Variants in CERS5 observed in about 807,000 individuals in gnomAD.
CERS5 encodes the protein ceramide synthase 5.
In CERS5, 37 loss-of-function variants were observed where a neutral mutation model predicts 58.9. The ratio of observed to expected loss-of-function variants is 0.63; its 90% CI spans 0.48 to 0.83. The LOEUF (loss-of-function observed/expected upper bound fraction) is 0.83. Among genes scored for constraint, CERS5 ranks in the 40% least tolerant of loss-of-function variants. CERS5 has a pLI of 0.00. For missense variants in CERS5, 398 were observed against 489.3 expected (o/e 0.81, Z 1.76); for synonymous variants, 147 against 177.8 (o/e 0.83, Z 1.38).
chr12:50,144,253 C>T (rs1224114471), intron 1 of CERS5, 196 bp from the exon 2 acceptor site: 3 of 488,598 alleles, frequency 6.1e-6, no homozygotes, highest in African/African-American at 3.9e-5. Flanking sequence ...ACAATGTTCA[C>T]CAGCCTCAGT....
At position 50,148,942 on chromosome 12, in the gene CERS5, A is replaced by ATG. The variant is rs1278925291; in HGVS notation, c.198-4886_198-4885insCA. 4.0e-3 allele frequency among the ~76,000 whole-genome samples: 523 copies of ATG among 129,958 alleles called. 6 individuals are homozygous for ATG. The highest frequency in any genetic ancestry group is 0.016 in the African/African-American group (511 of 32,428). 85.3% of individuals were successfully genotyped at this position (129,958 alleles called of 152,430 possible). A position where few individuals can be genotyped will look rare whatever the true frequency, so the allele number is the denominator to read the frequency against. On this transcript the variant is annotated intron_variant, in intron 1 of 9. Transcript: ENST00000317551. ...AAAAAAAAAAAATATATATATATATATATATGTGTGTGTGTGTGTGTGTGT... is the reference window on the plus strand; with the variant it reads ...AAAAAAAAAAAATATATATATATATATGTATATGTGTGTGTGTGTGTGTGTGT...
chr12:50,163,906 G>A lies in CERS5; in HGVS notation c.197+3195C>T, dbSNP rs746751342. 4.6e-5 allele frequency among the ~76,000 whole-genome samples: 7 copies of A among 151,596 alleles called. No individual in the cohort carries two copies. The South Asian group carries it at 8.4e-4, about 18-fold the overall frequency. ...TAGGCTCAAGTGATCTGCCCTCCTC[G>A]GCCTCCCAAAGTGCTGGGATTACAG... On this transcript the variant is annotated intron_variant, in intron 1 of 9. Coordinates refer to ENST00000317551, the MANE Select transcript of CERS5 (RefSeq NM_147190.5).
rs1448041472 is a variant in CERS5 at position 50,130,675 on chromosome 12, C to G, written c.1049G>C (p.Ser350Thr). The G allele has an allele frequency of 6.3e-7, 1 of 1,597,462 alleles. No individual in the cohort carries two copies. Among genetic ancestry groups the G allele is most frequent in the Non-Finnish European group, 8.6e-7 (1 of 1,167,080 alleles). Reference protein sequence around the residue: ...IRGKVSKDDRSDVESSSEEED... With the variant: ...IRGKVSKDDRTDVESSSEEED... Reference sequence around the variant, plus strand: ...TTCCTCTGAGCTGCTCTCCACATCACTGCGATCATCCTTCGATACCTGGGT... The same window carrying G: ...TTCCTCTGAGCTGCTCTCCACATCAGTGCGATCATCCTTCGATACCTGGGT... The change falls in exon 10 of 10, where the codon AGT (serine) becomes ACT (threonine). Residue 350 changes from serine to threonine, a missense_variant. Physicochemically the swap from Ser to Thr is moderately conservative, Grantham distance 58 (BLOSUM62 1). Coordinates refer to ENST00000317551, the MANE Select transcript of CERS5 (RefSeq NM_147190.5).
chr12:50,157,669 A>G (rs1304768343), intron 1 of CERS5, among the ~76,000 whole-genome samples: 1 of 152,138 alleles, frequency 6.6e-6, no homozygotes, highest in Middle Eastern at 3.2e-3. Flanking sequence ...CCTTGACTTC[A>G]TTAAAGGCAT....
At chr12:50,140,849 T>G (rs1951934718) in intron 4 of CERS5, among the ~76,000 whole-genome samples, 1 of 151,890 alleles carries the variant, frequency 6.6e-6, no homozygotes, top group Non-Finnish European at 1.5e-5. Context: ...ATTTTTTTTT[T>G]TTTTTTGCCT....
chr12:50,145,958 T>G (rs1952246541), intron 1 of CERS5, among the ~76,000 whole-genome samples: 1 of 152,216 alleles, frequency 6.6e-6, no homozygotes, highest in Non-Finnish European at 1.5e-5. Context: ...CATTCTTTGT[T>G]GTTGAGTTGA....
intron 8 of CERS5, chr12:50,135,529 T>G: frequency 1.4e-6 from 1 of 701,902 alleles, no homozygotes; most frequent in Non-Finnish European, 2.6e-6. Flanking sequence ...TTGCTAGAAA[T>G]ACGGTCTGAG....
intron 1 of CERS5, among the ~76,000 whole-genome samples, chr12:50,158,317 T>G (rs1938886619): frequency 6.6e-6 from 1 of 152,200 alleles, no homozygotes; most frequent in Non-Finnish European, 1.5e-5. Context: ...ACATAAGGGA[T>G]AACCACTGAT....
In CERS5 at chr12:50,130,484, A is replaced by C; in HGVS notation, c.*61T>G. ...AAGAGTAGATATGGGAAGGGCCAAG[A>C]GGAGTATGTTGCCAGTGGCCCTACA... On this transcript the variant is annotated 3_prime_UTR_variant, in exon 10 of 10. Coordinates refer to ENST00000317551, the MANE Select transcript of CERS5 (RefSeq NM_147190.5). 1 of 1,434,360 alleles carries C rather than the reference A, an allele frequency of 7.0e-7. No individual in the cohort carries two copies. The highest frequency in any genetic ancestry group is 9.5e-7 in the Non-Finnish European group (1 of 1,058,190). 88.9% of individuals were successfully genotyped at this position (1,434,360 alleles called of 1,614,324 possible).
At chr12:50,149,826 G>A (rs1007328376) in intron 1 of CERS5, among the ~76,000 whole-genome samples, 6 of 152,038 alleles carry the variant, frequency 3.9e-5, no homozygotes, top group African/African-American at 9.7e-5. Flanking sequence ...TGCAACCTCC[G>A]CCTCCCAGGT....
chr12:50,157,398 A>G (rs954336339), intron 1 of CERS5, among the ~76,000 whole-genome samples: 1 of 151,750 alleles, frequency 6.6e-6, no homozygotes, highest in Non-Finnish European at 1.5e-5. Context: ...TAATTACTGT[A>G]CTAGAGTCGC....
chr12:50,138,828 A>G (rs1380556528), intron 4 of CERS5, among the ~76,000 whole-genome samples: 1 of 152,228 alleles, frequency 6.6e-6, no homozygotes, highest in Non-Finnish European at 1.5e-5. Context: ...TTTGAGGTAA[A>G]TAAGAACAGT....
intron 4 of CERS5, 98 bp downstream of exon 4, chr12:50,141,939 CAAAAAAAAAAAAAAAA>C (rs35739493): frequency 1.7e-5 from 7 of 409,132 alleles, no homozygotes; most frequent in Non-Finnish European, 2.9e-5. Flanking sequence ...GACTCCGTCT[CAAAAAAAAAAAAAAAA>C]AAAGAAAAGA....
chr12:50,158,353 T>C (rs1938893156), intron 1 of CERS5, among the ~76,000 whole-genome samples: 2 of 152,200 alleles, frequency 1.3e-5, no homozygotes, highest in Admixed American at 1.3e-4. Flanking sequence ...AGGGTAGAAA[T>C]CATGGTTTAT....
In CERS5 at chr12:50,134,663, G is replaced by A. The variant is rs752285189; in HGVS notation, c.912C>T (p.Ile304=). ...NTTLFESWEI[I]GPYASWWLLN... ...GGAGCCACCATGAAGCATAAGGCCCGATTATCTCCCAACTCTCAAAGAGGG... is the reference window on the plus strand; with the variant it reads ...GGAGCCACCATGAAGCATAAGGCCCAATTATCTCCCAACTCTCAAAGAGGG... Residue 304 remains isoleucine, a synonymous_variant, in exon 9 of 10, where the codon ATC becomes ATT. Coordinates refer to ENST00000317551, the MANE Select transcript of CERS5 (RefSeq NM_147190.5). 1.1e-5 allele frequency: 18 copies of A among 1,613,984 alleles called. No individual in the cohort carries two copies. Among genetic ancestry groups the A allele is most frequent in the African/African-American group, 8.0e-5 (6 of 74,902 alleles).
chr12:50,159,414 A>T (rs2138252329), intron 1 of CERS5, among the ~76,000 whole-genome samples: 1 of 152,308 alleles, frequency 6.6e-6, no homozygotes, highest in African/African-American at 2.4e-5. Context: ...TTTTTACTAA[A>T]ATGTCTTAGA....
At chr12:50,157,185 T>C (rs1038748640) in intron 1 of CERS5, among the ~76,000 whole-genome samples, 1 of 152,044 alleles carries the variant, frequency 6.6e-6, no homozygotes, top group African/African-American at 2.4e-5. Context: ...CTCTTCAGTT[T>C]TGGGACTTGG....
chr12:50,151,016 CCCT>C (rs1937899652), intron 1 of CERS5, among the ~76,000 whole-genome samples: 1 of 150,814 alleles, frequency 6.6e-6, no homozygotes, highest in South Asian at 2.1e-4. Flanking sequence ...TTCTACTTAT[CCCT>C]CCTTCCTTCT....
chr12:50,149,800 C>T lies in CERS5; in HGVS notation c.198-5743G>A, dbSNP rs190682853. 9.8e-4 allele frequency among the ~76,000 whole-genome samples: 149 copies of T among 152,218 alleles called. 1 individual carries two copies. Among genetic ancestry groups the T allele is most frequent in the African/African-American group, 3.4e-3 (141 of 41,538 alleles). On this transcript the variant is annotated intron_variant, in intron 1 of 9. Transcript: ENST00000317551. ...CCTAGGCTGAAGTGAAGTGTGGTGG[C>T]GTGATCTGGGCTCACTGCAACCTCC...
Sources: allele counts gnomAD v4.1 joint callset (sites outside exome capture counted in the v4.1 genomes callset), GRCh38; gene constraint gnomAD v4.1.1; transcripts MANE v1.5; gene names NCBI Gene and HGNC (gene_info 2026-07-23, HGNC 2026-07-21).